The following MFSD11 variants were observed in gnomAD, a reference collection of about 807,000 sequenced individuals.
The protein encoded by MFSD11 is UNC93-like protein MFSD11.
Under a neutral mutation model 53.5 loss-of-function variants are expected in MFSD11, and 36 were observed. The ratio of observed to expected loss-of-function variants is 0.67; its 90% CI spans 0.52 to 0.89. MFSD11 has a LOEUF of 0.89. MFSD11 is among the 40% of genes least tolerant of loss of function. The probability of loss-of-function intolerance (pLI) is 0.00; values close to 1 mark genes in which losing one functional copy is unlikely to be tolerated. For missense variants in MFSD11, 530 were observed against 543.9 expected, an observed-to-expected ratio of 0.97 and a Z score of 0.25; for synonymous variants, 186 against 184.9, an observed-to-expected ratio of 1.01 and a Z score of -0.05.
the MFSD11 span, among the ~76,000 whole-genome samples, chr17:76,794,067 C>T: frequency 4.6e-5 from 7 of 151,374 alleles, no homozygotes; most frequent in African/African-American, 1.5e-4. Context: ...CCAGGAGACC[C>T]GTCTTGCACT....
the MFSD11 span, among the ~76,000 whole-genome samples, chr17:76,792,043 C>T: frequency 2.7e-5 from 4 of 148,700 alleles, no homozygotes; most frequent in East Asian, 1.9e-4. Flanking sequence ...GTGCCCTCCA[C>T]GGCCTGACCT....
intron 8 of MFSD11, among the ~76,000 whole-genome samples, chr17:76,766,306 C>G (rs926960153): frequency 1.3e-5 from 2 of 150,960 alleles, no homozygotes; most frequent in Non-Finnish European, 2.9e-5. Context: ...ATAATCCCAG[C>G]TACTCAGGAG....
chr17:76,783,101 C>T (rs374288628), downstream of MFSD11, among the ~76,000 whole-genome samples: 3 of 149,142 alleles, frequency 2.0e-5, no homozygotes, highest in South Asian at 2.1e-4. Context: ...TGCTTGAACC[C>T]GGGAGGCAGA....
chr17:76,763,190 C>T (rs1351461017), intron 8 of MFSD11, among the ~76,000 whole-genome samples: 1 of 152,078 alleles, frequency 6.6e-6, no homozygotes, highest in Non-Finnish European at 1.5e-5. Context: ...ATTGTTATAC[C>T]ACTTTACATT....
upstream of MFSD11, chr17:76,738,114 G>C (rs2077674111): frequency 1.9e-6 from 1 of 513,576 alleles, no homozygotes; most frequent in South Asian, 3.2e-5. Context: ...GCTTCTCCGG[G>C]GGTTGTGCTC....
the MFSD11 span, among the ~76,000 whole-genome samples, chr17:76,790,075 CTT>C: frequency 7.4e-6 from 1 of 136,028 alleles, no homozygotes; most frequent in African/African-American, 2.7e-5. Flanking sequence ...CATTTCTTTT[CTT>C]TTTTTTTTTT....
chr17:76,802,430 A>G, the MFSD11 span, among the ~76,000 whole-genome samples: 1 of 152,256 alleles, frequency 6.6e-6, no homozygotes, highest in South Asian at 2.1e-4. Context: ...AATATTACAC[A>G]TAAACCGACC....
At chr17:76,770,686 A>T (rs893157396) in intron 10 of MFSD11, among the ~76,000 whole-genome samples, 1 of 152,168 alleles carries the variant, frequency 6.6e-6, no homozygotes, top group East Asian at 1.9e-4. Flanking sequence ...TTCATGTTTG[A>T]TAATTTGCTA....
At chr17:76,785,309 C>T (rs966603453), downstream of MFSD11, among the ~76,000 whole-genome samples, 4 of 151,982 alleles carry the variant, frequency 2.6e-5, no homozygotes, top group African/African-American at 9.7e-5. Context: ...CTGGTGGGGA[C>T]GGAAGAGTGG....
chr17:76,755,628 G>T (rs1165924461), intron 8 of MFSD11, among the ~76,000 whole-genome samples: 4 of 151,092 alleles, frequency 2.6e-5, no homozygotes, highest in Non-Finnish European at 4.4e-5. Context: ...TTTAGAAAAG[G>T]TCTATGAGCA....
In MFSD11 at chr17:76,776,493, G is replaced by T. The variant is rs763536645; in HGVS notation, c.1137G>T (p.Leu379=). ...AGCTGCTTAGTATCTTGGGCTTTCTGTATTCTGAAGACAGCGCCCCAGCAT... is the reference window on the plus strand; with the variant it reads ...AGCTGCTTAGTATCTTGGGCTTTCTTTATTCTGAAGACAGCGCCCCAGCAT... ...NTQLLSILGF[L]YSEDSAPAFA... is the part of the protein sequence containing the mutation. The change falls in exon 12 of 13, where the codon CTG becomes CTT. Residue 379 remains leucine, a synonymous_variant. Coordinates refer to ENST00000685175, the MANE Select transcript of MFSD11 (RefSeq NM_001242532.5). This position sits in a 1 kb window ranked among gnomAD's most constrained non-coding sequence, Gnocchi z 4.2. The T allele has an allele frequency of 3.1e-6, 5 of 1,614,022 alleles. No homozygotes were observed. The South Asian group carries it at 3.3e-5, about 11-fold the overall frequency.
intron 7 of MFSD11, chr17:76,745,548 A>G (rs2078457448): frequency 3.3e-5 from 5 of 152,218 alleles, no homozygotes; most frequent in Admixed American, 3.3e-4. Flanking sequence ...TTCTTATGAC[A>G]TCTGTTATAA....
At chr17:76,753,935 T>C (rs2079316738) in intron 7 of MFSD11, 112 bp from the exon 8 acceptor site, 1 of 832,198 alleles carries the variant, frequency 1.2e-6, no homozygotes, top group Admixed American at 2.4e-5. Flanking sequence ...GGAATGCATC[T>C]CAGACCTGGT....
chr17:76,749,850 G>A (rs1212355840), intron 7 of MFSD11, among the ~76,000 whole-genome samples: 4 of 146,074 alleles, frequency 2.7e-5, no homozygotes, highest in Admixed American at 6.9e-5. Flanking sequence ...AGATTGCACC[G>A]CAGCACTCCA....
chr17:76,778,183 C>T lies in MFSD11; in HGVS notation c.1186-5C>T, dbSNP rs1280584131. 5.6e-6 allele frequency: 9 copies of T among 1,614,076 alleles called. No homozygotes were observed. Among genetic ancestry groups the T allele is most frequent in the Non-Finnish European group, 7.6e-6 (9 of 1,180,000 alleles). On this transcript the variant is annotated splice_polypyrimidine_tract_variant and splice_region_variant and intron_variant, in intron 12 of 12. Transcript: ENST00000685175. ...CCCGTTGTGATTTGTTTTGTTTGTT[C>T]TTAGTCTATTTGCGCAGCCGTGGCA...
the MFSD11 span, chr17:76,799,224 C>G: frequency 1.3e-5 from 2 of 151,980 alleles, no homozygotes; most frequent in African/African-American, 4.8e-5. Flanking sequence ...AAGCAACTCT[C>G]GTGCCTCAGC....
intron 9 of MFSD11, among the ~76,000 whole-genome samples, chr17:76,768,721 A>G (rs2144775457): frequency 6.6e-6 from 1 of 152,270 alleles, no homozygotes; most frequent in South Asian, 2.1e-4. Context: ...ACAGTGGCTC[A>G]TGTCTGTAAT....
chr17:76,737,185 C>T (rs1357754216), upstream of MFSD11: 3 of 1,523,478 alleles, frequency 2.0e-6, no homozygotes, highest in Non-Finnish European at 2.7e-6. Context: ...GCCCGGAGCC[C>T]CGCGAACTGG....
At chr17:76,794,131 A>C in the MFSD11 span, among the ~76,000 whole-genome samples, 1 of 151,382 alleles carries the variant, frequency 6.6e-6, no homozygotes, top group Non-Finnish European at 1.5e-5. Flanking sequence ...AAGCCACTCA[A>C]TGTGATAATT....
Sources: allele counts gnomAD v4.1 joint callset (sites outside exome capture counted in the v4.1 genomes callset), GRCh38; gene constraint gnomAD v4.1.1; non-coding constraint Gnocchi (gnomAD v3.1); transcripts MANE v1.5; gene names NCBI Gene and HGNC (gene_info 2026-07-23, HGNC 2026-07-21).